Variants in SP140L observed in about 807,000 individuals in gnomAD.
The protein encoded by SP140L is nuclear body protein SP140-like protein.
Under a neutral mutation model 84.3 loss-of-function variants are expected in SP140L, and 64 were observed. The ratio of observed to expected loss-of-function variants is 0.76; its 90% CI spans 0.62 to 0.94. SP140L has a LOEUF of 0.94. SP140L is among the 40% of genes least tolerant of loss of function. SP140L has a pLI of 0.00. For synonymous variants in SP140L, 242 were observed against 236.9 expected, an observed-to-expected ratio of 1.02 and a Z score of -0.20; for missense variants, 628 against 692.5, an observed-to-expected ratio of 0.91 and a Z score of 1.05.
At chr2:230,383,437 C>T in intron 7 of SP140L, 73 bp from the exon 8 acceptor site, 4 of 1,462,750 alleles carry the variant, frequency 2.7e-6, no homozygotes, top group Non-Finnish European at 3.7e-6. Flanking sequence ...ATCTTGTATA[C>T]TACTAGCATA....
intron 2 of SP140L, among the ~76,000 whole-genome samples, chr2:230,340,120 G>C (rs2059996094): frequency 6.6e-6 from 1 of 150,768 alleles, no homozygotes; most frequent in African/African-American, 2.5e-5. Context: ...TAATGTGTGG[G>C]AGTCTAAGTC....
At chr2:230,369,963 A>G (rs893945502) in intron 5 of SP140L, among the ~76,000 whole-genome samples, 7 of 148,862 alleles carry the variant, frequency 4.7e-5, no homozygotes, top group South Asian at 2.1e-4. Context: ...TAGTAGAGAC[A>G]GAGTTTCACC....
chr2:230,350,004 A>T (rs951931314), intron 2 of SP140L, among the ~76,000 whole-genome samples: 1 of 152,096 alleles, frequency 6.6e-6, no homozygotes, highest in African/African-American at 2.4e-5. Context: ...GAGAGACTCC[A>T]TCTCAAAAAT....
rs1387821257 is a variant in SP140L, at chr2:230,327,233, C to T, written c.-37C>T. ...TGGGCCGACTGGGGAGCTCATAGGC[C>T]AGGCTCTGACACCCAGGCAGGGCCT... On this transcript the variant is annotated 5_prime_UTR_variant, in exon 1 of 19. Transcript: ENST00000415673. 1.3e-6 allele frequency: 2 copies of T among 1,598,536 alleles called. No homozygotes were observed. Among genetic ancestry groups the T allele is most frequent in the Admixed American group, 1.7e-5 (1 of 57,656 alleles).
rs754724691 is a variant in SP140L at position 230,327,228 on chromosome 2, T to C, written c.-42T>C. The C allele has an allele frequency of 1.3e-5, 21 of 1,593,466 alleles. No individual in the cohort carries two copies. The African/African-American group carries it at 2.3e-4, about 17-fold the overall frequency. On this transcript the variant is annotated 5_prime_UTR_variant, in exon 1 of 19. Coordinates refer to ENST00000415673, the MANE Select transcript of SP140L (RefSeq NM_138402.6). The stretch of plus-strand genomic sequence containing the variant: ...CAGGCTGGGCCGACTGGGGAGCTCA[T>C]AGGCCAGGCTCTGACACCCAGGCAG...
chr2:230,396,861 C>CT, intron 14 of SP140L, 63 bp downstream of exon 14: 1 of 1,589,452 alleles, frequency 6.3e-7, no homozygotes, highest in South Asian at 1.1e-5. Flanking sequence ...GGCATATGTT[C>CT]TGTGTCATGA....
At chr2:230,355,971 A>G (rs1283290929) in intron 2 of SP140L, among the ~76,000 whole-genome samples, 1 of 152,172 alleles carries the variant, frequency 6.6e-6, no homozygotes, top group Non-Finnish European at 1.5e-5. Flanking sequence ...CTACCTGTCA[A>G]TAAATAAAAT....
At chr2:230,390,126 G>A (rs2061740035) in intron 11 of SP140L, 103 bp downstream of exon 11, 4 of 1,033,558 alleles carry the variant, frequency 3.9e-6, no homozygotes, top group Non-Finnish European at 5.7e-6. Context: ...GGAGTTTTGG[G>A]CCCAGTTTAG....
intron 2 of SP140L, among the ~76,000 whole-genome samples, chr2:230,354,851 A>AAG (rs1357571348): frequency 1.5e-5 from 1 of 68,530 alleles, no homozygotes; most frequent in Admixed American, 1.7e-4. Context: ...AAAGAAAGGA[A>AAG]AGAAAGAAAG....
intron 13 of SP140L, 150 bp downstream of exon 13, chr2:230,393,611 T>C (rs986863731): frequency 2.2e-6 from 2 of 927,828 alleles, no homozygotes; most frequent in Non-Finnish European, 3.0e-6. Context: ...ATATACACTT[T>C]CAGAGTTACT....
intron 2 of SP140L, among the ~76,000 whole-genome samples, chr2:230,332,729 T>G (rs111460824): frequency 0.024 from 3,607 of 152,306 alleles, 144 homozygotes; most frequent in African/African-American, 0.082. Context: ...CCAGGCACCC[T>G]GCAGAATTCT....
chr2:230,369,439 G>A (rs954817892), intron 5 of SP140L, among the ~76,000 whole-genome samples: 9 of 152,236 alleles, frequency 5.9e-5, no homozygotes, highest in African/African-American at 1.9e-4. Context: ...GGGGATTCAG[G>A]ATTCAGCCTG....
chr2:230,375,400 G>T (rs1466670490), intron 7 of SP140L, among the ~76,000 whole-genome samples: 1 of 152,030 alleles, frequency 6.6e-6, no homozygotes, highest in Admixed American at 6.6e-5. Context: ...CATTTCCTTT[G>T]GATACATACC....
intron 5 of SP140L, among the ~76,000 whole-genome samples, chr2:230,362,369 T>C (rs2060745432): frequency 1.3e-5 from 2 of 152,174 alleles, no homozygotes; most frequent in Non-Finnish European, 2.9e-5. Flanking sequence ...ATATTTCTTA[T>C]TATATCACAG....
chr2:230,374,290 T>C (rs1305275850), intron 7 of SP140L, among the ~76,000 whole-genome samples: 2 of 146,698 alleles, frequency 1.4e-5, no homozygotes, highest in East Asian at 2.0e-4. Flanking sequence ...CACTCCAGCC[T>C]GGGCAATAGA....
At chr2:230,342,366 G>A (rs2060078885) in intron 2 of SP140L, among the ~76,000 whole-genome samples, 2 of 152,202 alleles carry the variant, frequency 1.3e-5, no homozygotes, top group African/African-American at 4.8e-5. Flanking sequence ...CACGGTGCGT[G>A]CACCCACTGA....
intron 2 of SP140L, among the ~76,000 whole-genome samples, chr2:230,345,525 G>A (rs1210643028): frequency 6.7e-6 from 1 of 148,696 alleles, no homozygotes; most frequent in African/African-American, 2.5e-5. Context: ...TACTATTGCT[G>A]TTTTGTTATT....
intron 5 of SP140L, among the ~76,000 whole-genome samples, chr2:230,364,142 T>G (rs1380520851): frequency 6.6e-6 from 1 of 152,152 alleles, no homozygotes; most frequent in East Asian, 1.9e-4. Flanking sequence ...TTTGGCTAGT[T>G]GGGGTCTCTT....
At chr2:230,398,252 C>A (rs1365800428) in intron 14 of SP140L, among the ~76,000 whole-genome samples, 1 of 152,214 alleles carries the variant, frequency 6.6e-6, no homozygotes, top group Non-Finnish European at 1.5e-5. Context: ...TGTGCCTCAA[C>A]CCTGACCCAG....
Sources: allele counts gnomAD v4.1 joint callset (sites outside exome capture counted in the v4.1 genomes callset), GRCh38; gene constraint gnomAD v4.1.1; transcripts MANE v1.5; gene names NCBI Gene and HGNC (gene_info 2026-07-23, HGNC 2026-07-21).